MISP: variants seen among roughly 807,000 people sequenced by gnomAD.
MISP encodes mitotic interactor and substrate of PLK1.
In MISP, 51 loss-of-function variants were observed where a neutral mutation model predicts 49.3. The observed-to-expected ratio is 1.03, with a 90% CI of 0.83 to 1.31. MISP has a LOEUF of 1.31. Ranked by LOEUF, MISP falls within the 50% of genes most tolerant of loss-of-function variation. MISP has a pLI of 0.00. For missense variants in MISP, 1,084 were observed against 935.1 expected, an observed-to-expected ratio of 1.16 and a Z score of -2.08; for synonymous variants, 444 against 392.6, an observed-to-expected ratio of 1.13 and a Z score of -1.55.
rs146210166 is a variant in MISP, at chr19:753,213, G to A, written c.-58+2042G>A. Among the ~76,000 whole-genome samples, 175 of 152,222 alleles carry A rather than the reference G, an allele frequency of 1.1e-3. 1 individual carries two copies. The highest frequency in any genetic ancestry group is 1.6e-3 in the Admixed American group (25 of 15,276). On this transcript the variant is annotated intron_variant, in intron 1 of 4. Transcript: ENST00000215582. The stretch of plus-strand genomic sequence containing the variant: ...TGTGTGGGATTTATTCACCAATGCC[G>A]CCTGGTTTTCAATGTTTCCCCTATT...
chr19:755,471 T>G (rs927108971), intron 1 of MISP, among the ~76,000 whole-genome samples: 4 of 152,290 alleles, frequency 2.6e-5, no homozygotes, highest in African/African-American at 9.6e-5. Flanking sequence ...CTGTCAGTCC[T>G]TCTCTCTGGG....
intron 3 of MISP, 94 bp from the exon 4 acceptor site, chr19:761,531 A>G (rs2033671572): frequency 2.1e-6 from 3 of 1,442,468 alleles, no homozygotes; most frequent in East Asian, 2.3e-5. Context: ...CTCTTCCCCA[A>G]ATGGTGACAG....
At chr19:754,093 G>A (rs2033505943) in intron 1 of MISP, among the ~76,000 whole-genome samples, 1 of 152,174 alleles carries the variant, frequency 6.6e-6, no homozygotes, top group Admixed American at 6.5e-5. Flanking sequence ...CGAGGCAGGC[G>A]GATCACCTGA....
upstream of MISP, among the ~76,000 whole-genome samples, chr19:748,519 A>G (rs1401452106): frequency 1.3e-5 from 2 of 152,080 alleles, no homozygotes; most frequent in African/African-American, 4.8e-5. Context: ...CTGTGCAGGT[A>G]AGGCCTGGCT....
intron 1 of MISP, among the ~76,000 whole-genome samples, 193 bp downstream of exon 1, chr19:751,364 C>T (rs1233971598): frequency 2.6e-5 from 4 of 152,170 alleles, no homozygotes; most frequent in Non-Finnish European, 5.9e-5. Flanking sequence ...CCTCTGCCCC[C>T]GCTAGGTACT....
chr19:757,453 C>T lies in MISP; in HGVS notation c.507C>T (p.Asp169=), dbSNP rs1461141219. The T allele has an allele frequency of 1.3e-6, 2 of 1,591,848 alleles. No homozygotes were observed. The highest frequency in any genetic ancestry group is 1.7e-6 in the Non-Finnish European group (2 of 1,170,062). Residue 169 remains aspartate (D), a synonymous_variant, in exon 2 of 5, where the codon GAC becomes GAT. Transcript: ENST00000215582. ...TCCAGGGCACTCCTGACCACGGAGA[C>T]CCCAGGACCCCCGGCCCACCTCGGT... is the stretch of plus-strand genomic sequence containing the variant. The part of the protein sequence containing the change: ...ATLQGTPDHG[D]PRTPGPPRST...
chr19:763,924 G>T lies in MISP; in HGVS notation c.*334G>T, dbSNP rs1417796023. 2.4e-5 allele frequency: 7 copies of T among 286,726 alleles called. No individual in the cohort carries two copies. The highest frequency in any genetic ancestry group is 4.0e-5 in the Non-Finnish European group (6 of 148,288). The allele number at this position is 286,726 out of a possible 1,614,324, so 17.8% of individuals were successfully genotyped here. ...GCTCCTCCACTTTCAGGTGTAATTT[G>T]CTTCCGCTAGTCTGAGGGCAGAGGG... On this transcript the variant is annotated 3_prime_UTR_variant, in exon 5 of 5. Transcript: ENST00000215582.
chr19:761,798 C>A, intron 4 of MISP, 135 bp downstream of exon 4: 1 of 935,516 alleles, frequency 1.1e-6, no homozygotes, highest in Non-Finnish European at 1.7e-6. Flanking sequence ...GTAGTGTCTG[C>A]TCAGGGTGGA....
chr19:754,324 C>A (rs1181125648), intron 1 of MISP, among the ~76,000 whole-genome samples: 1 of 152,158 alleles, frequency 6.6e-6, no homozygotes, highest in Non-Finnish European at 1.5e-5. Context: ...ATTAGCCAGG[C>A]GTGGTGGCGG....
chr19:754,991 AGAGGGCCTGGTTTGGGGTGGAAGAG>A (rs1316773564), intron 1 of MISP, among the ~76,000 whole-genome samples: 145 of 91,000 alleles, frequency 1.6e-3, no homozygotes, highest in African/African-American at 3.4e-3. Context: ...GGGTGGAGGA[AGAGGGCCTGGTTTGGGGTGGAAGAG>A]GAGGGCCTGG....
chr19:763,267 A>T (rs1412199514), intron 4 of MISP, among the ~76,000 whole-genome samples: 1 of 152,002 alleles, frequency 6.6e-6, no homozygotes, highest in Non-Finnish European at 1.5e-5. Context: ...ACAAAGTGAG[A>T]CTCCATCTCA....
chr19:761,492 A>C, intron 3 of MISP, 133 bp from the exon 4 acceptor site: 1 of 936,884 alleles, frequency 1.1e-6, no homozygotes, highest in Non-Finnish European at 1.7e-6. Flanking sequence ...ACACGTGTTG[A>C]GAACACTCAG....
Position 757,639 on chromosome 19 carries a change from C to T in MISP, c.693C>T (p.Pro231=), listed in dbSNP as rs141776059. ...CAACCCCAGGGGCCAGCCAGGCCCC[C>T]AAGGCCTTCAACAAGCCCCACCTGG... ...AGTTPGASQA[P]KAFNKPHLAN... The change falls in exon 2 of 5, where the codon CCC becomes CCT. Residue 231 remains proline (P), a synonymous_variant. Coordinates refer to ENST00000215582, the MANE Select transcript of MISP (RefSeq NM_173481.4). 2,996 of 1,612,936 alleles carry T rather than the reference C, an allele frequency of 1.9e-3. 6 individuals are homozygous for T. Among genetic ancestry groups the T allele is most frequent in the Non-Finnish European group, 1.9e-3 (2,201 of 1,179,692 alleles).
In MISP at chr19:758,081, G is replaced by C. The variant is rs372474785; in HGVS notation, c.1135G>C (p.Asp379His). 5 of 1,579,686 alleles carry C rather than the reference G, an allele frequency of 3.2e-6. No individual in the cohort carries two copies. In the South Asian group the frequency reaches 5.8e-5, roughly 18 times the overall value. ...GCACGTGGGCCGGGCGTCCACACCC[G>C]ACTGGGTCTCGGAGGGTCCCCAGCC... ...GLHVGRASTP[D>H]WVSEGPQPGL... Residue 379 changes from aspartate (D) to histidine (H), a missense_variant, in exon 2 of 5, where the codon GAC becomes CAC. Transcript: ENST00000215582.
At chr19:753,389 CTT>C (rs553930795) in intron 1 of MISP, among the ~76,000 whole-genome samples, 17 of 137,866 alleles carry the variant, frequency 1.2e-4, no homozygotes, top group Admixed American at 3.7e-4. Flanking sequence ...TTCTTTTTTT[CTT>C]TTTTTTTTTT....
chr19:757,688 A>T lies in MISP; in HGVS notation c.742A>T (p.Lys248Ter), dbSNP rs775501185. ...GGCCAACGGGCACGTGGTTCCCATCAAGCCCCAGGTGAAGGGGGTGGTCAG... is the reference window on the plus strand; with the variant it reads ...GGCCAACGGGCACGTGGTTCCCATCTAGCCCCAGGTGAAGGGGGTGGTCAG... ...HLANGHVVPI[K>*]PQVKGVVREE... Residue 248 changes from lysine (K) to a stop codon, truncating the protein, a stop_gained, in exon 2 of 5, where the codon AAG (lysine) becomes TAG (stop). Transcript: ENST00000215582. LOFTEE classifies it high-confidence loss of function. 6.2e-7 allele frequency: 1 copy of T among 1,613,736 alleles called. No individual in the cohort carries two copies. Among genetic ancestry groups the T allele is most frequent in the Non-Finnish European group, 8.5e-7 (1 of 1,179,914 alleles).
intron 3 of MISP, among the ~76,000 whole-genome samples, chr19:761,314 G>A (rs938257436): frequency 2.0e-5 from 3 of 150,768 alleles, no homozygotes; most frequent in East Asian, 2.0e-4. Flanking sequence ...AGCCGAGATC[G>A]CACCACCGCA....
rs947776885 is a variant in MISP, at chr19:758,663, G to A, written c.1717G>A (p.Val573Ile). ...EERRNALFPE[V>I]FSPTPDENSD... ...GCGGAGAAATGCTCTCTTCCCAGAGGTCTTCTCCCCAACGCCAGATGAGAA... is the reference window on the plus strand; with the variant it reads ...GCGGAGAAATGCTCTCTTCCCAGAGATCTTCTCCCCAACGCCAGATGAGAA... Residue 573 changes from valine to isoleucine, a missense_variant, in exon 2 of 5, where the codon GTC becomes ATC. Physicochemically the swap from Val to Ile is conservative, Grantham distance 29. Transcript: ENST00000215582. 1 of 1,614,252 alleles carries A rather than the reference G, an allele frequency of 6.2e-7. No individual in the cohort carries two copies. Among genetic ancestry groups the A allele is most frequent in the African/African-American group, 1.3e-5 (1 of 75,072 alleles).
chr19:753,391 T>G (rs1405990633), intron 1 of MISP, among the ~76,000 whole-genome samples: 1 of 146,236 alleles, frequency 6.8e-6, no homozygotes, highest in Non-Finnish European at 1.5e-5. Context: ...CTTTTTTTCT[T>G]TTTTTTTTTT....
Sources: gnomAD v4.1 joint callset for allele counts (sites outside exome capture counted in the v4.1 genomes callset) on GRCh38, gnomAD v4.1.1 for gene constraint, MANE v1.5 for transcripts, NCBI Gene and HGNC (gene_info 2026-07-23, HGNC 2026-07-21) for gene names.